Variants in GCC2 observed in about 807,000 individuals in gnomAD.
GCC2 encodes the protein GRIP and coiled-coil domain-containing protein 2.
GCC2 carries 120 observed loss-of-function variants against 210.6 expected under a neutral mutation model. That is an observed-to-expected ratio of 0.57 (90% CI 0.49 to 0.66). GCC2 has a LOEUF of 0.66. GCC2 is among the 30% of genes least tolerant of loss of function. GCC2 has a pLI of 0.00. For missense variants in GCC2, 1,868 were observed against 1,871.9 expected, an observed-to-expected ratio of 1.00 and a Z score of 0.04; for synonymous variants, 703 against 652.7, an observed-to-expected ratio of 1.08 and a Z score of -1.17.
rs543466480 is a variant in GCC2, at chr2:108,491,163, G to A, written c.4229+1149G>A. Among the ~76,000 whole-genome samples, 32 of 152,190 alleles carry A rather than the reference G, an allele frequency of 2.1e-4. 2 individuals are homozygous for A. The highest frequency in any genetic ancestry group is 2.9e-4 in the Non-Finnish European group (20 of 67,992). On this transcript the variant is annotated intron_variant, in intron 18 of 22. Transcript: ENST00000309863. ...TTAGGCTAATTAATATCTGTATTAC[G>A]CAGAGACTACAGTTAATATAAACAC...
intron 19 of GCC2, 76 bp downstream of exon 19, chr2:108,492,866 T>G (rs1682473954): frequency 8.9e-7 from 1 of 1,121,682 alleles, no homozygotes; most frequent in South Asian, 1.3e-5. Flanking sequence ...CTTCACAAAT[T>G]CATAAGAAAG....
chr2:108,449,834 C>T lies in GCC2; in HGVS notation c.63+145C>T. The T allele has an allele frequency of 8.2e-6, 5 of 612,788 alleles. No homozygotes were observed. The South Asian group carries it at 9.8e-5, about 12-fold the overall frequency. The allele number at this position is 612,788 out of a possible 1,614,324, so 38.0% of individuals were successfully genotyped here. On this transcript the variant is annotated intron_variant, in intron 2 of 22. Transcript: ENST00000309863. ...GGATCTCAATTTTAGTGTGCGCAATCGCCCATTTCCTGTTTCTCCCCCGCC... is the reference window on the plus strand; with the variant it reads ...GGATCTCAATTTTAGTGTGCGCAATTGCCCATTTCCTGTTTCTCCCCCGCC...
chr2:108,489,136 A>G (rs1682282763), intron 17 of GCC2, among the ~76,000 whole-genome samples: 1 of 152,214 alleles, frequency 6.6e-6, no homozygotes, highest in Non-Finnish European at 1.5e-5. Flanking sequence ...TGTTTTTTCC[A>G]AGTCTAAAAA....
chr2:108,494,079 AC>A (rs1682527748), intron 19 of GCC2: 1 of 523,398 alleles, frequency 1.9e-6, no homozygotes, highest in Admixed American at 6.4e-5. Flanking sequence ...GGCCTGGTAA[AC>A]TTTACAGTTT....
intron 9 of GCC2, among the ~76,000 whole-genome samples, chr2:108,481,449 G>A (rs1681845045): frequency 1.3e-5 from 2 of 152,066 alleles, no homozygotes; most frequent in African/African-American, 4.8e-5. Context: ...ATTTAACCTT[G>A]GAGCTATTAT....
At chr2:108,485,276 C>CTA (rs2104483205) in intron 13 of GCC2, among the ~76,000 whole-genome samples, 1 of 149,536 alleles carries the variant, frequency 6.7e-6, no homozygotes, top group African/African-American at 2.5e-5. Flanking sequence ...ACATATGTAA[C>CTA]TAACCTGCAC....
At chr2:108,496,110 C>T (rs1047015786) in intron 20 of GCC2, 4 of 151,896 alleles carry the variant, frequency 2.6e-5, no homozygotes, top group Admixed American at 6.6e-5. Flanking sequence ...TAGCTCTTGC[C>T]CTAGGCTTGA....
At chr2:108,451,622 A>G (rs560100443) in intron 3 of GCC2, among the ~76,000 whole-genome samples, 1 of 151,756 alleles carries the variant, frequency 6.6e-6, no homozygotes, top group East Asian at 1.9e-4. Context: ...TTTTTAGTAT[A>G]TGTACATGAG....
Position 108,482,305 on chromosome 2 carries a change from GATA to G in GCC2, c.3202_3204del (p.Asn1068del). On this transcript the variant is annotated inframe_deletion, in exon 11 of 23. Transcript: ENST00000309863. ...ATTTCAGTGTGAAACAATAAATTCT[GATA>G]ATGAAGATCTCCTGGCTCGTATTGA... The G allele has an allele frequency of 6.3e-7, 1 of 1,576,602 alleles. No homozygotes were observed. Among genetic ancestry groups the G allele is most frequent in the South Asian group, 1.2e-5 (1 of 85,624 alleles).
intron 6 of GCC2, among the ~76,000 whole-genome samples, 187 bp downstream of exon 6, chr2:108,472,303 G>T (rs1203507876): frequency 1.3e-5 from 2 of 151,972 alleles, no homozygotes; most frequent in Admixed American, 6.6e-5. Context: ...TTTATTTTTG[G>T]GGAGTTTTAG....
At chr2:108,500,466 C>T (rs777819948) in intron 22 of GCC2, among the ~76,000 whole-genome samples, 2 of 152,160 alleles carry the variant, frequency 1.3e-5, no homozygotes, top group Non-Finnish European at 2.9e-5. Flanking sequence ...TGAGCTGTCA[C>T]GCCACTGTAC....
chr2:108,506,911 AAAT>A (rs1351313901), intron 22 of GCC2, among the ~76,000 whole-genome samples: 3 of 151,824 alleles, frequency 2.0e-5, no homozygotes, highest in African/African-American at 4.9e-5. Context: ...GATTGTTTGT[AAAT>A]AATCATTTCT....
rs1421189786 is a variant in GCC2 at position 108,469,891 on chromosome 2, G to A, written c.562G>A (p.Glu188Lys). Residue 188 changes from glutamate (E) to lysine (K), a missense_variant, in exon 6 of 23, where the codon GAG (glutamate) becomes AAG (lysine). Around this residue, in one of 3 missense-constraint regions of GCC2, gnomAD observed 1,847 missense variants for 1,765.2 expected, o/e 1.05. Transcript: ENST00000309863. ...TGTTAAAAAACTACAAGAAGAGATT[G>A]AGAAAATTAGGCCAGGCTTTGAGGA... Reference protein sequence around the residue: ...DNVKKLQEEIEKIRPGFEEQI... With the variant: ...DNVKKLQEEIKKIRPGFEEQI... The A allele has an allele frequency of 1.2e-6, 2 of 1,613,242 alleles. No individual in the cohort carries two copies. Among genetic ancestry groups the A allele is most frequent in the Non-Finnish European group, 1.7e-6 (2 of 1,179,590 alleles).
intron 21 of GCC2, 115 bp downstream of exon 21, chr2:108,497,224 C>T: frequency 6.4e-7 from 1 of 1,553,446 alleles, no homozygotes; most frequent in Non-Finnish European, 8.9e-7. Flanking sequence ...TCACGCCATT[C>T]TCCTGCCTCA....
chr2:108,483,990 ACTC>A (rs1029583941), intron 12 of GCC2, among the ~76,000 whole-genome samples, 156 bp from the exon 13 acceptor site: 1 of 152,062 alleles, frequency 6.6e-6, no homozygotes, highest in African/African-American at 2.4e-5. Context: ...AAAATATCCA[ACTC>A]CTCATTTCTT....
chr2:108,471,397 C>T lies in GCC2; in HGVS notation c.2068C>T (p.Leu690Phe), dbSNP rs1681211687. The change falls in exon 6 of 23, where the codon CTT becomes TTT. Residue 690 changes from leucine (L) to phenylalanine (F), a missense_variant. Physicochemically the swap from Leu to Phe is conservative, Grantham distance 22 (BLOSUM62 0). Coordinates refer to ENST00000309863, the MANE Select transcript of GCC2 (RefSeq NM_181453.4). ...KEVLSAEVKS[L>F]YEENNKLSSE... ...AGTATTGTCAGCTGAAGTGAAGTCT[C>T]TTTATGAGGAAAACAATAAACTCAG... 1.2e-6 allele frequency: 2 copies of T among 1,606,928 alleles called. No homozygotes were observed. The highest frequency in any genetic ancestry group is 2.2e-5 in the East Asian group (1 of 44,776).
In GCC2 at chr2:108,449,702, C is replaced by G; in HGVS notation, c.63+13C>G. On this transcript the variant is annotated intron_variant, in intron 2 of 22. Coordinates refer to ENST00000309863, the MANE Select transcript of GCC2 (RefSeq NM_181453.4). ...CGGGAAATCTAAGGTGAAGAGAATA[C>G]TTGAATAGCGGGCTTCCTGAAGAGT... The G allele has an allele frequency of 6.2e-7, 1 of 1,607,506 alleles. No individual in the cohort carries two copies. The highest frequency in any genetic ancestry group is 8.5e-7 in the Non-Finnish European group (1 of 1,174,212).
At chr2:108,491,359 T>A (rs1280245662) in intron 18 of GCC2, among the ~76,000 whole-genome samples, 1 of 152,204 alleles carries the variant, frequency 6.6e-6, no homozygotes, top group Non-Finnish European at 1.5e-5. Flanking sequence ...TTAGACTATT[T>A]TTGTAACCTC....
At chr2:108,465,069 C>G (rs1423158014) in intron 4 of GCC2, among the ~76,000 whole-genome samples, 1 of 152,188 alleles carries the variant, frequency 6.6e-6, no homozygotes, top group Non-Finnish European at 1.5e-5. Context: ...CGTGAGGAAT[C>G]CACCCCCATG....
Sources: gnomAD v4.1 joint callset for allele counts (sites outside exome capture counted in the v4.1 genomes callset) on GRCh38, gnomAD v4.1.1 for gene constraint, gnomAD v4.1.1 regional missense constraint, MANE v1.5 for transcripts, NCBI Gene and HGNC (gene_info 2026-07-23, HGNC 2026-07-21) for gene names.